ANKDD1B: variants seen among roughly 807,000 people sequenced by gnomAD.
ANKDD1B encodes the protein ankyrin repeat and death domain containing 1B, also known as ankyrin repeat and death domain-containing protein 1B.
In ANKDD1B, 57 loss-of-function variants were observed where a neutral mutation model predicts 59.7. The observed-to-expected ratio is 0.95, with a 90% CI of 0.77 to 1.19. The LOEUF (loss-of-function observed/expected upper bound fraction) is 1.19, where lower values mean the gene tolerates loss of function less well. Among genes scored for constraint, ANKDD1B ranks in the 50% most tolerant of loss-of-function variants. The pLI is 0.00. For missense variants in ANKDD1B, 602 were observed against 641.9 expected (o/e 0.94, Z 0.67); for synonymous variants, 216 against 239.5 (o/e 0.90, Z 0.91).
At chr5:75,631,951 C>CA (rs1264503029) in intron 5 of ANKDD1B, among the ~76,000 whole-genome samples, 2 of 151,598 alleles carry the variant, frequency 1.3e-5, no homozygotes, top group Non-Finnish European at 2.9e-5. Context: ...ACTAAAAATA[C>CA]AAAAAATTAG....
chr5:75,624,427 G>C (rs1469555734), intron 3 of ANKDD1B, among the ~76,000 whole-genome samples: 1 of 152,086 alleles, frequency 6.6e-6, no homozygotes, highest in Admixed American at 6.5e-5. Context: ...AGTGTTAACT[G>C]CTGGCTATGC....
intron 11 of ANKDD1B, among the ~76,000 whole-genome samples, 177 bp from the exon 12 acceptor site, chr5:75,666,615 A>C (rs73124765): frequency 0.014 from 1,521 of 109,020 alleles, 24 homozygotes; most frequent in African/African-American, 0.047. Context: ...TCAAGCATTT[A>C]TTTCCATTTT....
At chr5:75,655,940 C>T (rs2112005805) in intron 8 of ANKDD1B, 89 bp from the exon 9 acceptor site, 1 of 638,034 alleles carries the variant, frequency 1.6e-6, no homozygotes, top group Admixed American at 2.6e-5. Context: ...GGGAGATCAT[C>T]AGGAAATAGC....
intron 7 of ANKDD1B, among the ~76,000 whole-genome samples, chr5:75,652,721 G>A (rs529245766): frequency 9.8e-5 from 15 of 152,360 alleles, no homozygotes; most frequent in African/African-American, 3.4e-4. Context: ...TTGCAGGCAT[G>A]AGCCACTGTG....
At chr5:75,637,825 G>A (rs1039370159) in intron 7 of ANKDD1B, among the ~76,000 whole-genome samples, 3 of 151,126 alleles carry the variant, frequency 2.0e-5, no homozygotes, top group Non-Finnish European at 2.9e-5. Flanking sequence ...TTCTTATAGC[G>A]TCAGGGTCTT....
chr5:75,659,489 A>G (rs1413017581), intron 10 of ANKDD1B, 108 bp downstream of exon 10: 1 of 794,702 alleles, frequency 1.3e-6, no homozygotes, highest in Non-Finnish European at 2.1e-6. Flanking sequence ...AAATGGGCAC[A>G]AACTGGAGAA....
Position 75,626,124 on chromosome 5 carries a change from G to T in ANKDD1B, c.600+169G>T, listed in dbSNP as rs554637057. ...GAACCAAAGAGGAGTGTTGGTATTA[G>T]TGGTGGTCCTGGCCCCTGCTTGTAG... On this transcript the variant is annotated intron_variant, in intron 5 of 13. Coordinates refer to ENST00000601380, the MANE Select transcript of ANKDD1B (RefSeq NM_001276713.2). Among the ~76,000 whole-genome samples, 4 of 152,328 alleles carry T rather than the reference G, an allele frequency of 2.6e-5. No homozygotes were observed. In the South Asian group the frequency reaches 8.3e-4, roughly 32 times the overall value.
intron 6 of ANKDD1B, 199 bp downstream of exon 6, chr5:75,635,195 A>T (rs1373651603): frequency 4.5e-6 from 2 of 446,226 alleles, no homozygotes; most frequent in East Asian, 6.8e-5. Flanking sequence ...CCAGATTGGC[A>T]GTTTTTGCTT....
rs552567800 is a variant in ANKDD1B, at chr5:75,632,010, C to T, written c.601-2888C>T. 3.7e-4 allele frequency among the ~76,000 whole-genome samples: 55 copies of T among 150,634 alleles called. 1 individual carries two copies. The South Asian group carries it at 0.01, about 28-fold the overall frequency. On this transcript the variant is annotated intron_variant, in intron 5 of 13. Coordinates refer to ENST00000601380, the MANE Select transcript of ANKDD1B (RefSeq NM_001276713.2). ...TAATCCCAGTTACTTAGGAGGCTGACGCAGGAGACTTCCTTGAACCCAGAA... is the reference window on the plus strand; with the variant it reads ...TAATCCCAGTTACTTAGGAGGCTGATGCAGGAGACTTCCTTGAACCCAGAA...
chr5:75,621,504 A>G (rs990676034), intron 3 of ANKDD1B, among the ~76,000 whole-genome samples: 2 of 151,924 alleles, frequency 1.3e-5, no homozygotes, highest in African/African-American at 2.4e-5. Flanking sequence ...GTGGGTATAT[A>G]GTAAGTGTAC....
chr5:75,639,036 A>G (rs1406036329), intron 7 of ANKDD1B, among the ~76,000 whole-genome samples: 1 of 152,222 alleles, frequency 6.6e-6, no homozygotes, highest in Non-Finnish European at 1.5e-5. Flanking sequence ...AGGGTCCAAG[A>G]TATGAAACCT....
At chr5:75,650,194 A>C (rs951100139) in intron 7 of ANKDD1B, among the ~76,000 whole-genome samples, 1 of 152,240 alleles carries the variant, frequency 6.6e-6, no homozygotes, top group Non-Finnish European at 1.5e-5. Context: ...TTTAAATTGC[A>C]GATGGAATTA....
At chr5:75,635,724 A>C in intron 6 of ANKDD1B, 60 bp from the exon 7 acceptor site, 1 of 1,114,260 alleles carries the variant, frequency 9.0e-7, no homozygotes, top group Non-Finnish European at 1.3e-6. Context: ...AGCCCTTACT[A>C]TTGAAGGAGC....
chr5:75,641,698 C>T (rs757100408), intron 7 of ANKDD1B, among the ~76,000 whole-genome samples: 44 of 152,256 alleles, frequency 2.9e-4, no homozygotes, highest in South Asian at 6.2e-4. Flanking sequence ...AATTTAAACA[C>T]GCAAGAATAA....
At chr5:75,670,837 CT>C in intron 13 of ANKDD1B, 141 bp from the exon 14 acceptor site, 1 of 376,260 alleles carries the variant, frequency 2.7e-6, no homozygotes, top group Non-Finnish European at 4.7e-6. Context: ...CTGTGACAAC[CT>C]TCTCATTTAT....
At chr5:75,661,512 T>C (rs1490477369) in intron 10 of ANKDD1B, among the ~76,000 whole-genome samples, 2 of 151,992 alleles carry the variant, frequency 1.3e-5, no homozygotes, top group African/African-American at 4.8e-5. Context: ...TTGTGTGGAA[T>C]TCCACCACTT....
chr5:75,659,783 G>A (rs1775074170), intron 10 of ANKDD1B, among the ~76,000 whole-genome samples: 1 of 152,070 alleles, frequency 6.6e-6, no homozygotes, highest in Admixed American at 6.5e-5. Flanking sequence ...GCATATGCAA[G>A]CAAACATAAA....
At chr5:75,628,296 T>A (rs1205818175) in intron 5 of ANKDD1B, among the ~76,000 whole-genome samples, 1 of 152,128 alleles carries the variant, frequency 6.6e-6, no homozygotes, top group East Asian at 1.9e-4. Flanking sequence ...TGGAGATGGA[T>A]GGTAGTGATG....
At position 75,642,690 on chromosome 5, in the gene ANKDD1B, AG is replaced by A. The variant is rs1418753210; in HGVS notation, c.798+6810del. On this transcript the variant is annotated intron_variant, in intron 7 of 13. Transcript: ENST00000601380. ...GGGGGAGGGGCGCCCGCCATTGCCC[AG>A]GCTTGCTTAGGTAAACAAAGCAGCC... Among the ~76,000 whole-genome samples, 4 of 107,042 alleles carry A rather than the reference AG, an allele frequency of 3.7e-5. No individual in the cohort carries two copies. The South Asian group carries it at 9.8e-4, about 26-fold the overall frequency. The allele number at this position is 107,042 out of a possible 152,430, so 70.2% of individuals were successfully genotyped here. A position where few individuals can be genotyped will look rare whatever the true frequency, so the allele number is the denominator to read the frequency against.
Sources: allele counts gnomAD v4.1 joint callset (sites outside exome capture counted in the v4.1 genomes callset), GRCh38; gene constraint gnomAD v4.1.1; transcripts MANE v1.5; gene names NCBI Gene and HGNC (gene_info 2026-07-23, HGNC 2026-07-21).